The following PTPRK variants were observed in gnomAD, a reference collection of about 807,000 sequenced individuals.
The protein encoded by PTPRK is receptor-type tyrosine-protein phosphatase kappa.
PTPRK carries 75 observed loss-of-function variants against 178.0 expected under a neutral mutation model. The ratio of observed to expected loss-of-function variants is 0.42; its 90% CI spans 0.35 to 0.51. The LOEUF (loss-of-function observed/expected upper bound fraction) is 0.51, where lower values mean the gene tolerates loss of function less well. Among genes scored for constraint, PTPRK ranks in the 20% least tolerant of loss-of-function variants. PTPRK has a pLI of 0.02. For synonymous variants in PTPRK, 637 were observed against 620.6 expected (o/e 1.03, Z -0.39); for missense variants, 1,441 against 1,797.8 (o/e 0.80, Z 3.59).
chr6:127,993,892 AATACAGTCCTACC>A (rs1398346379), intron 18 of PTPRK, among the ~76,000 whole-genome samples: 1 of 151,690 alleles, frequency 6.6e-6, no homozygotes, highest in Non-Finnish European at 1.5e-5. Context: ...TCTTATTTAA[AATACAGTCCTACC>A]ATATGAACCA....
In PTPRK at chr6:128,421,382, G is replaced by A. The variant is rs542286369; in HGVS notation, c.101-23694C>T. 2.6e-5 allele frequency among the ~76,000 whole-genome samples: 4 copies of A among 152,280 alleles called. No individual in the cohort carries two copies. The East Asian group carries it at 7.7e-4, about 29-fold the overall frequency. On this transcript the variant is annotated intron_variant, in intron 1 of 29. Coordinates refer to ENST00000368226, the MANE Select transcript of PTPRK (RefSeq NM_002844.4). The stretch of plus-strand genomic sequence containing the variant: ...CCCATAAATATTTTTAAGAACATCG[G>A]TATTTGTGGCAGAAGATATTAGTCA...
intron 2 of PTPRK, among the ~76,000 whole-genome samples, chr6:128,378,162 C>T (rs1047599383): frequency 1.3e-5 from 2 of 152,188 alleles, no homozygotes; most frequent in African/African-American, 2.4e-5. Flanking sequence ...GAAATTATTA[C>T]ATTTATGAAC....
At chr6:128,164,582 CTTTAAAAAGG>C (rs1317630896) in intron 7 of PTPRK, among the ~76,000 whole-genome samples, 1 of 151,256 alleles carries the variant, frequency 6.6e-6, no homozygotes, top group African/African-American at 2.4e-5. Flanking sequence ...ATATCTTCAT[CTTTAAAAAGG>C]TTTTAAAAAA....
intron 3 of PTPRK, among the ~76,000 whole-genome samples, chr6:128,295,002 T>A (rs1227568329): frequency 6.6e-6 from 1 of 152,044 alleles, no homozygotes; most frequent in African/African-American, 2.4e-5. Context: ...TGTTTATCTG[T>A]TTCCACATAA....
chr6:128,073,105 GTA>G (rs1171971488), intron 11 of PTPRK, among the ~76,000 whole-genome samples: 3 of 152,022 alleles, frequency 2.0e-5, no homozygotes, highest in Non-Finnish European at 2.9e-5. Context: ...AGTTTTTTAG[GTA>G]TATGTCTTTC....
At chr6:128,236,343 C>CTTTTTTTTTT (rs35553541) in intron 5 of PTPRK, among the ~76,000 whole-genome samples, 1 of 108,084 alleles carries the variant, frequency 9.3e-6, no homozygotes. Context: ...TTCTAAATTT[C>CTTTTTTTTTT]TTTTTTTTTT....
chr6:128,050,755 G>A (rs889195834), intron 13 of PTPRK, among the ~76,000 whole-genome samples: 3 of 152,114 alleles, frequency 2.0e-5, no homozygotes, highest in African/African-American at 7.2e-5. Flanking sequence ...TGCCCAGGCT[G>A]ATCTTGAACT....
rs200823872 is a variant in PTPRK at position 128,309,901 on chromosome 6, CCA to C, written c.495+12136_495+12137del. Among the ~76,000 whole-genome samples, 64 of 152,100 alleles carry C rather than the reference CCA, an allele frequency of 4.2e-4. No individual in the cohort carries two copies. The East Asian group carries it at 0.012, about 28-fold the overall frequency. ...AAATGGTTTAAGTAATCTCCCTTAT[CCA>C]CTGTCTTTCTAGTAGAGGTAATAAG... On this transcript the variant is annotated intron_variant, in intron 3 of 29. Transcript: ENST00000368226.
intron 1 of PTPRK, among the ~76,000 whole-genome samples, chr6:128,462,044 T>C (rs965041872): frequency 5.3e-5 from 8 of 152,104 alleles, no homozygotes; most frequent in African/African-American, 1.9e-4. Context: ...GCCCAGGCTA[T>C]ACTCCAACTC....
intron 7 of PTPRK, among the ~76,000 whole-genome samples, chr6:128,164,099 C>T (rs1799060150): frequency 6.6e-6 from 1 of 151,456 alleles, no homozygotes; most frequent in African/African-American, 2.4e-5. Context: ...GAAGATACCC[C>T]AGCACCAACT....
chr6:128,435,621 G>A (rs1845490077), intron 1 of PTPRK, among the ~76,000 whole-genome samples: 2 of 152,038 alleles, frequency 1.3e-5, no homozygotes, highest in South Asian at 4.2e-4. Context: ...TCTGGTGTAT[G>A]GTCTTAAAGC....
intron 13 of PTPRK, among the ~76,000 whole-genome samples, chr6:128,009,972 T>C (rs1014651542): frequency 1.3e-5 from 2 of 151,218 alleles, no homozygotes; most frequent in Non-Finnish European, 3.0e-5. Context: ...ATCTGACTAC[T>C]CATCATACAC....
Position 127,992,710 on chromosome 6 carries a change from CTAAAA to C in PTPRK, c.2845-6_2845-2del. On this transcript the variant is annotated splice_acceptor_variant and splice_polypyrimidine_tract_variant and intron_variant, in intron 18 of 29. Coordinates refer to ENST00000368226, the MANE Select transcript of PTPRK (RefSeq NM_002844.4). LOFTEE classifies it high-confidence loss of function. Reference sequence around the variant, plus strand: ...TGTAATGACTTGGTCTCTGGTAGCCCTAAAATAAGAGAACAAATTAGTTATCATTT... The same window carrying C: ...TGTAATGACTTGGTCTCTGGTAGCCCTAAGAGAACAAATTAGTTATCATTT... 6.4e-7 allele frequency: 1 copy of C among 1,566,832 alleles called. No homozygotes were observed. The highest frequency in any genetic ancestry group is 8.6e-7 in the Non-Finnish European group (1 of 1,157,826).
At chr6:128,361,246 G>C (rs191224271) in intron 2 of PTPRK, among the ~76,000 whole-genome samples, 2 of 152,164 alleles carry the variant, frequency 1.3e-5, no homozygotes, top group Admixed American at 6.5e-5. Context: ...ACCTATGAGA[G>C]AATCTGTTCC....
intron 6 of PTPRK, among the ~76,000 whole-genome samples, chr6:128,190,162 G>C (rs1803509661): frequency 1.3e-5 from 2 of 152,050 alleles, no homozygotes; most frequent in Non-Finnish European, 2.9e-5. Context: ...GTATACATTT[G>C]AAAATTTTAG....
intron 1 of PTPRK, among the ~76,000 whole-genome samples, chr6:128,503,018 G>A (rs996911338): frequency 6.6e-6 from 1 of 152,102 alleles, no homozygotes; most frequent in Non-Finnish European, 1.5e-5. Flanking sequence ...ACGAGGTCAG[G>A]AGTTCGAGAC....
chr6:128,084,936 A>G (rs1479695238), intron 8 of PTPRK: 1 of 152,198 alleles, frequency 6.6e-6, no homozygotes, highest in Non-Finnish European at 1.5e-5. Flanking sequence ...CCAGAAATGT[A>G]GTTTCAAAGT....
intron 13 of PTPRK, among the ~76,000 whole-genome samples, chr6:128,057,121 T>C (rs1254426803): frequency 6.6e-6 from 1 of 152,210 alleles, no homozygotes; most frequent in Non-Finnish European, 1.5e-5. Context: ...ATTTCTCTCT[T>C]AGTGTCAATA....
At chr6:128,010,708 G>C (rs1164184532) in intron 13 of PTPRK, among the ~76,000 whole-genome samples, 1 of 151,212 alleles carries the variant, frequency 6.6e-6, no homozygotes, top group Non-Finnish European at 1.5e-5. Flanking sequence ...AAAAGCGTCA[G>C]AACAGTTAAC....
Sources: gnomAD v4.1 joint callset for allele counts (sites outside exome capture counted in the v4.1 genomes callset) on GRCh38, gnomAD v4.1.1 for gene constraint, MANE v1.5 for transcripts, NCBI Gene and HGNC (gene_info 2026-07-23, HGNC 2026-07-21) for gene names.